Variants in CLCN3 observed in about 807,000 individuals in gnomAD.
CLCN3 encodes the protein Cl-/H+ antiporter 3.
In CLCN3, 16 loss-of-function variants were observed where a neutral mutation model predicts 83.4. The observed-to-expected ratio is 0.19, with a 90% CI of 0.13 to 0.29. The LOEUF is 0.29. Ranked by LOEUF, CLCN3 falls within the 10% of genes least tolerant of loss-of-function variation. The pLI is 1.00. For missense variants in CLCN3, 544 were observed against 1,006.0 expected, an observed-to-expected ratio of 0.54 and a Z score of 6.21; for synonymous variants, 322 against 346.2, an observed-to-expected ratio of 0.93 and a Z score of 0.78.
chr4:169,672,493 C>T (rs2150230782), intron 2 of CLCN3, among the ~76,000 whole-genome samples: 1 of 151,998 alleles, frequency 6.6e-6, no homozygotes, highest in East Asian at 1.9e-4. Context: ...TAGAAGAGAA[C>T]TTTAATTTAT....
chr4:169,620,998 C>T lies in CLCN3; in HGVS notation c.-82C>T. Reference sequence around the variant, plus strand: ...GGGTAGCTAGGTTCTAGGTTTGAAACAGATGCAGAATCCAAAGGCAGCGCA... The same window carrying T: ...GGGTAGCTAGGTTCTAGGTTTGAAATAGATGCAGAATCCAAAGGCAGCGCA... On this transcript the variant is annotated 5_prime_UTR_variant, in exon 1 of 13. Transcript: ENST00000513761. 2 of 398,156 alleles carry T rather than the reference C, an allele frequency of 5.0e-6. No individual in the cohort carries two copies. Among genetic ancestry groups the T allele is most frequent in the Non-Finnish European group, 8.8e-6 (2 of 226,022 alleles). 24.7% of individuals were successfully genotyped at this position (398,156 alleles called of 1,614,324 possible).
intron 2 of CLCN3, among the ~76,000 whole-genome samples, chr4:169,636,533 A>C (rs550301653): frequency 6.0e-4 from 92 of 152,258 alleles, no homozygotes; most frequent in Middle Eastern, 3.4e-3. Flanking sequence ...TATCTAGATT[A>C]ATTTTGCAAG....
intron 7 of CLCN3, among the ~76,000 whole-genome samples, chr4:169,693,036 A>C (rs1226879459): frequency 6.6e-6 from 1 of 152,152 alleles, no homozygotes; most frequent in Non-Finnish European, 1.5e-5. Flanking sequence ...TTCCAAATCT[A>C]AATCTACAGC....
At chr4:169,690,045 C>G (rs1407359025) in intron 5 of CLCN3, among the ~76,000 whole-genome samples, 1 of 151,674 alleles carries the variant, frequency 6.6e-6, no homozygotes, top group Non-Finnish European at 1.5e-5. Flanking sequence ...AATTTTTGGA[C>G]TCTACTTAAA....
In CLCN3 at chr4:169,697,756, T is replaced by TA. The variant is rs762967316; in HGVS notation, c.1563+23dup. ...CAAGGTAAGTGCTAATGTGAGGTGA[T>TA]ATTTGGGTAATTTTGGCATGTTCAA... is the stretch of plus-strand genomic sequence containing the variant. On this transcript the variant is annotated intron_variant, in intron 9 of 12. Coordinates refer to ENST00000513761, the MANE Select transcript of CLCN3 (RefSeq NM_001829.4). 770 of 1,534,442 alleles carry TA rather than the reference T, an allele frequency of 5.0e-4. 3 individuals are homozygous for TA. Among genetic ancestry groups the TA allele is most frequent in the Non-Finnish European group, 6.6e-4 (741 of 1,130,950 alleles).
In CLCN3 at chr4:169,721,321, A is replaced by G. The variant is rs922942310; in HGVS notation, c.*1324A>G. ...TATGAACAAAGTTTACAGTGGGAAC[A>G]AAGGTTTAAAAAAAGGTTGTGGTTC... is the stretch of plus-strand genomic sequence containing the variant. On this transcript the variant is annotated 3_prime_UTR_variant, in exon 13 of 13. Coordinates refer to ENST00000513761, the MANE Select transcript of CLCN3 (RefSeq NM_001829.4). 23 of 152,212 alleles carry G rather than the reference A, an allele frequency of 1.5e-4. No individual in the cohort carries two copies. Among genetic ancestry groups the G allele is most frequent in the African/African-American group, 5.5e-4 (23 of 41,460 alleles). 9.4% of individuals were successfully genotyped at this position (152,212 alleles called of 1,614,324 possible). A position where few individuals can be genotyped will look rare whatever the true frequency, so the allele number is the denominator to read the frequency against.
chr4:169,696,855 A>T (rs2150255390), intron 8 of CLCN3, among the ~76,000 whole-genome samples: 1 of 151,118 alleles, frequency 6.6e-6, no homozygotes, highest in South Asian at 2.1e-4. Context: ...TAAATGCATT[A>T]TAAGTTAACA....
intron 11 of CLCN3, among the ~76,000 whole-genome samples, chr4:169,708,461 C>T (rs1733074748): frequency 6.6e-6 from 1 of 152,142 alleles, no homozygotes. Context: ...GAGCTGATGA[C>T]ATAGTATTTT....
chr4:169,717,662 T>C (rs886482343), intron 12 of CLCN3: 39 of 513,538 alleles, frequency 7.6e-5, no homozygotes, highest in Admixed American at 2.1e-4. Flanking sequence ...TTTGTTTTTA[T>C]TTTCTAAAGT....
At chr4:169,641,811 A>G (rs769371969) in intron 2 of CLCN3, among the ~76,000 whole-genome samples, 3 of 152,238 alleles carry the variant, frequency 2.0e-5, no homozygotes, top group South Asian at 2.1e-4. Context: ...CATGGCATCA[A>G]CATGAAACTA....
At chr4:169,701,902 T>A (rs903307896) in intron 9 of CLCN3, among the ~76,000 whole-genome samples, 1 of 152,164 alleles carries the variant, frequency 6.6e-6, no homozygotes, top group Non-Finnish European at 1.5e-5. Flanking sequence ...AGTGGCCTGC[T>A]AGCACTTGGG....
intron 1 of CLCN3, among the ~76,000 whole-genome samples, chr4:169,623,423 A>G (rs1773155465): frequency 6.6e-6 from 1 of 152,090 alleles, no homozygotes; most frequent in Non-Finnish European, 1.5e-5. Context: ...TATGGGGTTC[A>G]ATGTGATGTT....
chr4:169,641,260 T>C (rs1382696448), intron 2 of CLCN3, among the ~76,000 whole-genome samples: 1 of 151,974 alleles, frequency 6.6e-6, no homozygotes, highest in Non-Finnish European at 1.5e-5. Flanking sequence ...TGAAACCCAG[T>C]CTCTAAATAA....
intron 2 of CLCN3, chr4:169,663,039 CT>C (rs1303887544): frequency 6.6e-5 from 10 of 151,954 alleles, no homozygotes; most frequent in South Asian, 2.1e-4. Context: ...TGGATTTGAT[CT>C]TTTGGGCCTG....
intron 2 of CLCN3, among the ~76,000 whole-genome samples, chr4:169,659,829 G>A (rs1348201581): frequency 6.6e-6 from 1 of 151,922 alleles, no homozygotes; most frequent in Admixed American, 6.6e-5. Flanking sequence ...TATAAAACTA[G>A]TACATTCTCT....
chr4:169,668,524 G>C (rs552842674), intron 2 of CLCN3, among the ~76,000 whole-genome samples: 2 of 152,108 alleles, frequency 1.3e-5, no homozygotes, highest in South Asian at 2.1e-4. Context: ...CAGAACTAAC[G>C]GGAGGCAGGG....
At chr4:169,625,268 C>T (rs1247861472) in intron 1 of CLCN3, among the ~76,000 whole-genome samples, 1 of 152,096 alleles carries the variant, frequency 6.6e-6, no homozygotes, top group African/African-American at 2.4e-5. Context: ...CTTCTTTCAC[C>T]CAGTTTATAT....
chr4:169,636,739 T>G (rs912104773), intron 2 of CLCN3, among the ~76,000 whole-genome samples: 1 of 151,568 alleles, frequency 6.6e-6, no homozygotes, highest in African/African-American at 2.4e-5. Context: ...TATTTGGTTT[T>G]TTTTTTTTTT....
At chr4:169,711,869 T>A (rs72696649) in intron 11 of CLCN3, among the ~76,000 whole-genome samples, 42,819 of 151,692 alleles carry the variant, frequency 0.28, 6,703 homozygotes, top group South Asian at 0.42. Context: ...AAAAATATAT[T>A]TTTTTTTCTT....
Sources: gnomAD v4.1 joint callset for allele counts (sites outside exome capture counted in the v4.1 genomes callset) on GRCh38, gnomAD v4.1.1 for gene constraint, MANE v1.5 for transcripts, NCBI Gene and HGNC (gene_info 2026-07-23, HGNC 2026-07-21) for gene names.